MACROD2: variants seen among roughly 807,000 people sequenced by gnomAD.
MACROD2 encodes ADP-ribose glycohydrolase MACROD2.
In MACROD2, 36 loss-of-function variants were observed where a neutral mutation model predicts 70.4. That is an observed-to-expected ratio of 0.51 (90% CI 0.39 to 0.68). The LOEUF is 0.68. MACROD2 is among the 30% of genes least tolerant of loss of function. The pLI is 0.00. For synonymous variants in MACROD2, 172 were observed against 178.8 expected, an observed-to-expected ratio of 0.96 and a Z score of 0.30; for missense variants, 496 against 538.4, an observed-to-expected ratio of 0.92 and a Z score of 0.78.
chr20:15,908,896 C>A (rs2065190024), intron 10 of MACROD2, among the ~76,000 whole-genome samples: 1 of 152,206 alleles, frequency 6.6e-6, no homozygotes, highest in Non-Finnish European at 1.5e-5. Flanking sequence ...TACTTTCTTC[C>A]CACAAGTTAG....
At position 14,608,213 on chromosome 20, in the gene MACROD2, G is replaced by A. The variant is rs1258448455; in HGVS notation, c.302-76630G>A. Among the ~76,000 whole-genome samples, 6 of 152,132 alleles carry A rather than the reference G, an allele frequency of 3.9e-5. No individual in the cohort carries two copies. In the East Asian group the frequency reaches 5.8e-4, roughly 15 times the overall value. ...GGAGGTTGTAGTGAGCTGACATTGCGCCATTGCACTCCAACCTGGGCAACA... is the reference window on the plus strand; with the variant it reads ...GGAGGTTGTAGTGAGCTGACATTGCACCATTGCACTCCAACCTGGGCAACA... On this transcript the variant is annotated intron_variant, in intron 4 of 17. Transcript: ENST00000684519.
At chr20:14,848,557 C>T (rs1013990765) in intron 5 of MACROD2, among the ~76,000 whole-genome samples, 1 of 151,954 alleles carries the variant, frequency 6.6e-6, no homozygotes, top group African/African-American at 2.4e-5. Flanking sequence ...AAGTAAAAAG[C>T]AGGGCCGGAA....
At chr20:15,427,072 T>A (rs2046308194) in intron 6 of MACROD2, among the ~76,000 whole-genome samples, 1 of 152,210 alleles carries the variant, frequency 6.6e-6, no homozygotes, top group African/African-American at 2.4e-5. Flanking sequence ...GTAGGCTTAG[T>A]TTAGATGAAT....
chr20:15,483,111 G>A (rs2047120563), intron 7 of MACROD2, among the ~76,000 whole-genome samples: 1 of 151,876 alleles, frequency 6.6e-6, no homozygotes. Flanking sequence ...CATGTATTTG[G>A]TGTCATATCT....
intron 5 of MACROD2, among the ~76,000 whole-genome samples, chr20:14,759,594 A>G (rs577001731): frequency 1.3e-5 from 2 of 152,282 alleles, no homozygotes; most frequent in South Asian, 2.1e-4. Context: ...TGCCCATAGT[A>G]TATAAGAAAT....
intron 3 of MACROD2, among the ~76,000 whole-genome samples, chr20:14,360,839 A>G (rs760082896): frequency 8.9e-4 from 135 of 152,288 alleles, no homozygotes; most frequent in Non-Finnish European, 1.5e-3. Context: ...AATGTTTAGC[A>G]TGGTGCCTGC....
chr20:14,621,053 G>A (rs1411890635), intron 4 of MACROD2, among the ~76,000 whole-genome samples: 7 of 152,040 alleles, frequency 4.6e-5, no homozygotes, highest in Admixed American at 4.6e-4. Flanking sequence ...GCGTACTACT[G>A]ATTCGCTGTG....
chr20:14,876,821 T>A (rs2073556498), intron 5 of MACROD2, among the ~76,000 whole-genome samples: 1 of 152,168 alleles, frequency 6.6e-6, no homozygotes, highest in Non-Finnish European at 1.5e-5. Context: ...CACTGGCCTA[T>A]GCATCTGTTT....
intron 6 of MACROD2, among the ~76,000 whole-genome samples, chr20:15,355,078 C>G (rs1042597461): frequency 6.6e-6 from 1 of 152,128 alleles, no homozygotes; most frequent in African/African-American, 2.4e-5. Flanking sequence ...CTGTTTCAAC[C>G]CAACTGATCT....
At chr20:14,642,729 G>T (rs1183983676) in intron 4 of MACROD2, among the ~76,000 whole-genome samples, 1 of 151,982 alleles carries the variant, frequency 6.6e-6, no homozygotes, top group African/African-American at 2.4e-5. Context: ...TTTTTTATGG[G>T]CTTTATTGGT....
intron 8 of MACROD2, among the ~76,000 whole-genome samples, chr20:15,625,462 G>A (rs564484636): frequency 1.2e-4 from 19 of 152,262 alleles, no homozygotes; most frequent in South Asian, 6.2e-4. Flanking sequence ...TTCTATAACC[G>A]TAAAGGAGAC....
chr20:14,813,698 T>A (rs769610503), intron 5 of MACROD2, among the ~76,000 whole-genome samples: 6 of 152,024 alleles, frequency 3.9e-5, no homozygotes, highest in Admixed American at 2.0e-4. Flanking sequence ...AGTGTGCCAC[T>A]CTCCATATAC....
In MACROD2 at chr20:15,392,260, G is replaced by A. The variant is rs535378940; in HGVS notation, c.541-39145G>A. 5.3e-5 allele frequency among the ~76,000 whole-genome samples: 8 copies of A among 152,138 alleles called. No homozygotes were observed. In the South Asian group the frequency reaches 1.7e-3, roughly 32 times the overall value. On this transcript the variant is annotated intron_variant, in intron 6 of 17. Coordinates refer to ENST00000684519, the MANE Select transcript of MACROD2 (RefSeq NM_001351661.2). ...ATCCTTATTCTTGCCAGTATGGTTTGGGTTCACTAATACCTAATTATCCAC... is the reference window on the plus strand; with the variant it reads ...ATCCTTATTCTTGCCAGTATGGTTTAGGTTCACTAATACCTAATTATCCAC...
intron 8 of MACROD2, among the ~76,000 whole-genome samples, chr20:15,508,029 C>G (rs1024033887): frequency 6.6e-6 from 1 of 152,162 alleles, no homozygotes; most frequent in African/African-American, 2.4e-5. Flanking sequence ...GTGGGGAGCT[C>G]ATCAAAGTTC....
chr20:15,886,944 T>C (rs1051301181), intron 10 of MACROD2, among the ~76,000 whole-genome samples: 2 of 152,160 alleles, frequency 1.3e-5, no homozygotes, highest in African/African-American at 2.4e-5. Flanking sequence ...TAGAAGGATA[T>C]AGAGCTTAAG....
At chr20:14,268,075 C>A (rs1332489711) in intron 3 of MACROD2, among the ~76,000 whole-genome samples, 1 of 151,626 alleles carries the variant, frequency 6.6e-6, no homozygotes, top group Non-Finnish European at 1.5e-5. Context: ...ATAATGAAAC[C>A]CCATATAACT....
At chr20:15,159,697 C>T (rs1219255697) in intron 5 of MACROD2, among the ~76,000 whole-genome samples, 2 of 151,678 alleles carry the variant, frequency 1.3e-5, no homozygotes, top group Non-Finnish European at 2.9e-5. Flanking sequence ...AGTCTAGTTC[C>T]CTTATCCTAA....
chr20:14,362,510 C>G (rs2083231650), intron 3 of MACROD2, among the ~76,000 whole-genome samples: 1 of 152,140 alleles, frequency 6.6e-6, no homozygotes, highest in East Asian at 1.9e-4. Context: ...CCATTCATGC[C>G]TTAATGGAGA....
chr20:15,505,604 A>G (rs945818920), intron 8 of MACROD2, among the ~76,000 whole-genome samples: 1 of 152,072 alleles, frequency 6.6e-6, no homozygotes, highest in African/African-American at 2.4e-5. Flanking sequence ...CACTACTCCA[A>G]GGGAATTCCC....
Sources: gnomAD v4.1 joint callset for allele counts (sites outside exome capture counted in the v4.1 genomes callset) on GRCh38, gnomAD v4.1.1 for gene constraint, MANE v1.5 for transcripts, NCBI Gene and HGNC (gene_info 2026-07-23, HGNC 2026-07-21) for gene names.